NALCN: variants seen among roughly 807,000 people sequenced by gnomAD.
NALCN encodes sodium leak channel, non-selective, also known as sodium leak channel NALCN.
Under a neutral mutation model 225.3 loss-of-function variants are expected in NALCN, and 111 were observed. The observed-to-expected ratio is 0.49, with a 90% CI of 0.42 to 0.58. The LOEUF is 0.58. NALCN is among the 20% of genes least tolerant of loss of function. NALCN has a pLI of 0.00. For missense variants in NALCN, 1,378 were observed against 2,202.4 expected, an observed-to-expected ratio of 0.63 and a Z score of 7.49; for synonymous variants, 764 against 769.0, an observed-to-expected ratio of 0.99 and a Z score of 0.11.
At position 101,074,704 on chromosome 13, in the gene NALCN, G is replaced by GAC. The variant is rs772789470; in HGVS notation, c.3955-43_3955-42insGT. 466 of 1,549,212 alleles carry GAC rather than the reference G, an allele frequency of 3.0e-4. 2 individuals carry two copies. In the African/African-American group the frequency reaches 6.2e-3, roughly 21 times the overall value. ...GGAAGCGGGGAGACAGAGAGAGAGA[G>GAC]AGAGAGAGACAGAGACAGAGAGAGA... On this transcript the variant is annotated intron_variant, in intron 35 of 43. Transcript: ENST00000251127.
In NALCN at chr13:101,398,927, T is replaced by A. The variant is rs61973730; in HGVS notation, c.108+92A>T. The A allele has an allele frequency of 0.07, 54,949 of 783,000 alleles. 2,400 individuals are homozygous for A. The highest frequency in any genetic ancestry group is 0.15 in the East Asian group (5,760 of 37,698). The allele number at this position is 783,000 out of a possible 1,614,324, so 48.5% of individuals were successfully genotyped here. On this transcript the variant is annotated intron_variant, in intron 2 of 43. Transcript: ENST00000251127. Reference sequence around the variant, plus strand: ...TCCATATTCTACTGCAGCTCAGATATTTCGAAGCCAAAGGTACATGATATT... The same window carrying A: ...TCCATATTCTACTGCAGCTCAGATAATTCGAAGCCAAAGGTACATGATATT...
intron 10 of NALCN, among the ~76,000 whole-genome samples, chr13:101,271,121 A>G (rs2140251731): frequency 6.6e-6 from 1 of 152,310 alleles, no homozygotes; most frequent in African/African-American, 2.4e-5. Flanking sequence ...AATGTTCTGC[A>G]TATTTCTTCC....
chr13:101,169,829 T>C (rs1255096989), intron 15 of NALCN, among the ~76,000 whole-genome samples: 1 of 152,232 alleles, frequency 6.6e-6, no homozygotes, highest in Non-Finnish European at 1.5e-5. Context: ...TAATTTAATA[T>C]AAAGTAGCCT....
intron 11 of NALCN, among the ~76,000 whole-genome samples, chr13:101,256,441 A>C (rs1386201322): frequency 6.6e-6 from 1 of 152,190 alleles, no homozygotes; most frequent in Non-Finnish European, 1.5e-5. Context: ...GATTGATTTA[A>C]ATGTTGCTTT....
intron 13 of NALCN, among the ~76,000 whole-genome samples, chr13:101,211,858 A>T (rs894676939): frequency 1.3e-5 from 2 of 152,018 alleles, no homozygotes; most frequent in African/African-American, 4.8e-5. Context: ...AAATTTATCA[A>T]CTGATCATAA....
chr13:101,346,085 CTCTA>C lies in NALCN; in HGVS notation c.645-669_645-666del, dbSNP rs1466832642. Reference sequence around the variant, plus strand: ...TCTCTCTCTCTCTCTCTCTCTCTCTCTCTATATATATATATATATATATATATGA... The same window carrying C: ...TCTCTCTCTCTCTCTCTCTCTCTCTCTATATATATATATATATATATATGA... On this transcript the variant is annotated intron_variant, in intron 6 of 43. Coordinates refer to ENST00000251127, the MANE Select transcript of NALCN (RefSeq NM_052867.4). Among the ~76,000 whole-genome samples the C allele has an allele frequency of 6.5e-3, 526 of 80,360 alleles. 2 individuals are homozygous for C. Among genetic ancestry groups the C allele is most frequent in the African/African-American group, 0.015 (312 of 20,206 alleles). 52.7% of individuals were successfully genotyped at this position (80,360 alleles called of 152,430 possible). A position where few individuals can be genotyped will look rare whatever the true frequency, so the allele number is the denominator to read the frequency against.
rs2046759636 is a variant in NALCN at position 101,378,622 on chromosome 13, C to T, written c.323G>A (p.Cys108Tyr). 6.2e-7 allele frequency: 1 copy of T among 1,609,822 alleles called. No individual in the cohort carries two copies. The highest frequency in any genetic ancestry group is 8.5e-7 in the Non-Finnish European group (1 of 1,177,638). Residue 108 changes from cysteine to tyrosine, a missense_variant, in exon 4 of 44, where the codon TGT becomes TAT. Physicochemically the swap from Cys to Tyr is radical, Grantham distance 194. Transcript: ENST00000251127. ...AAAGACCATAAATCCATCAAAAACA[C>T]ACCAGCGATCTTTCACATAGGAACT... ...GDSSYVKDRWCVFDGFMVFCL... is the reference protein window; with the variant it reads ...GDSSYVKDRWYVFDGFMVFCL...
intron 17 of NALCN, among the ~76,000 whole-genome samples, chr13:101,130,850 G>A (rs1048612583): frequency 6.6e-6 from 1 of 152,144 alleles, no homozygotes; most frequent in Non-Finnish European, 1.5e-5. Flanking sequence ...ATTTTTAGGT[G>A]TGTGCTGTCA....
At chr13:101,153,245 C>A (rs1355341981) in intron 15 of NALCN, among the ~76,000 whole-genome samples, 1 of 152,078 alleles carries the variant, frequency 6.6e-6, no homozygotes, top group African/African-American at 2.4e-5. Context: ...AGTGAGATAG[C>A]AATATGCCTG....
intron 14 of NALCN, among the ~76,000 whole-genome samples, chr13:101,190,201 T>G (rs2139999113): frequency 6.6e-6 from 1 of 152,322 alleles, no homozygotes; most frequent in African/African-American, 2.4e-5. Context: ...ATTTTGTTGC[T>G]TTATTAGGAA....
At chr13:101,238,427 A>G (rs1412389140) in intron 11 of NALCN, among the ~76,000 whole-genome samples, 2 of 151,962 alleles carry the variant, frequency 1.3e-5, no homozygotes, top group East Asian at 1.9e-4. Context: ...CAAGCAATTG[A>G]TCTATGTGTG....
At chr13:101,287,084 C>T (rs1344741433) in intron 9 of NALCN, among the ~76,000 whole-genome samples, 1 of 152,162 alleles carries the variant, frequency 6.6e-6, no homozygotes, top group East Asian at 1.9e-4. Context: ...CATAATGCCT[C>T]ATAAACATCC....
Position 101,320,640 on chromosome 13 carries a change from T to C in NALCN, c.799+24626A>G, listed in dbSNP as rs184513459. Among the ~76,000 whole-genome samples, 432 of 152,286 alleles carry C rather than the reference T, an allele frequency of 2.8e-3. 6 individuals are homozygous for C. The highest frequency in any genetic ancestry group is 5.0e-3 in the Non-Finnish European group (341 of 68,006). ...TTACTGCCTTTCAAGACACCGAGTA[T>C]AAGGAAGGGTCCATTACCAGTTTTT... On this transcript the variant is annotated intron_variant, in intron 7 of 43. Coordinates refer to ENST00000251127, the MANE Select transcript of NALCN (RefSeq NM_052867.4).
intron 14 of NALCN, chr13:101,180,853 C>T (rs868093158): frequency 2.9e-6 from 1 of 349,602 alleles, no homozygotes; most frequent in African/African-American, 2.1e-5. Flanking sequence ...CTCTCTCTCT[C>T]TCTGCATCTG....
chr13:101,325,580 C>A (rs2139211119), intron 7 of NALCN, among the ~76,000 whole-genome samples: 1 of 152,296 alleles, frequency 6.6e-6, no homozygotes, highest in African/African-American at 2.4e-5. Context: ...CAAAGGTCAG[C>A]AAAATGTGCT....
chr13:101,062,617 T>A (rs192982774), intron 40 of NALCN, among the ~76,000 whole-genome samples: 168 of 152,248 alleles, frequency 1.1e-3, no homozygotes, highest in Non-Finnish European at 4.3e-4. Context: ...TTTTTTCTTT[T>A]TTTGAGATGG....
chr13:101,376,978 G>A lies in NALCN; in HGVS notation c.454C>T (p.Arg152Ter), dbSNP rs774096141. ...AATCGGAAATAAATCCGGAATGCTC[G>A]GATCATAATCAGTGGCCGTGGAATC... ...LRIPRPLIMI[R>*]AFRIYFRFEL... Residue 152 changes from arginine (R) to a stop codon, truncating the protein, a stop_gained, in exon 5 of 44, where the codon CGA becomes TGA. Coordinates refer to ENST00000251127, the MANE Select transcript of NALCN (RefSeq NM_052867.4). LOFTEE classifies it high-confidence loss of function. 10 of 1,614,082 alleles carry A rather than the reference G, an allele frequency of 6.2e-6. No homozygotes were observed. Among genetic ancestry groups the A allele is most frequent in the Admixed American group, 1.7e-5 (1 of 59,998 alleles).
rs1445576302 is a variant in NALCN at position 101,258,327 on chromosome 13, C to A, written c.1266+116G>T. The A allele has an allele frequency of 8.5e-6, 12 of 1,414,710 alleles. No homozygotes were observed. The Admixed American group carries it at 1.9e-4, about 23-fold the overall frequency. The allele number at this position is 1,414,710 out of a possible 1,614,324, so 87.6% of individuals were successfully genotyped here. A position where few individuals can be genotyped will look rare whatever the true frequency, so the allele number is the denominator to read the frequency against. ...ACTTAAGAAGCAGACAATGATTCAG[C>A]TTTGGTGAAAGTCAAGTAATGAACA... On this transcript the variant is annotated intron_variant, in intron 11 of 43. Transcript: ENST00000251127.
intron 13 of NALCN, among the ~76,000 whole-genome samples, chr13:101,196,816 T>G (rs1402218515): frequency 1.3e-5 from 2 of 152,114 alleles, no homozygotes; most frequent in Non-Finnish European, 2.9e-5. Context: ...CTCCACTGAC[T>G]CCAGGTGAGG....
Sources: allele counts gnomAD v4.1 joint callset (sites outside exome capture counted in the v4.1 genomes callset), GRCh38; gene constraint gnomAD v4.1.1; transcripts MANE v1.5; gene names NCBI Gene and HGNC (gene_info 2026-07-23, HGNC 2026-07-21).